Variants in MSH5 observed in about 807,000 individuals in gnomAD.
MSH5 encodes the protein mutS protein homolog 5.
In MSH5, 78 loss-of-function variants were observed where a neutral mutation model predicts 107.7. The observed-to-expected ratio is 0.72, with a 90% CI of 0.60 to 0.87. The LOEUF is 0.87. Ranked by LOEUF, MSH5 falls within the 40% of genes least tolerant of loss-of-function variation. MSH5 has a pLI of 0.00. For synonymous variants in MSH5, 326 were observed against 399.5 expected (o/e 0.82, Z 2.19); for missense variants, 889 against 1,046.6 (o/e 0.85, Z 2.08).
chr6:31,745,406 C>A, intron 9 of MSH5, 87 bp downstream of exon 9: 1 of 877,004 alleles, frequency 1.1e-6, no homozygotes, highest in Non-Finnish European at 1.9e-6. Flanking sequence ...CCTCCCTTCC[C>A]ACTTCACTCC....
At chr6:31,745,426 A>G (rs1271157880) in intron 9 of MSH5, 107 bp downstream of exon 9, 6 of 769,944 alleles carry the variant, frequency 7.8e-6, no homozygotes, top group African/African-American at 1.8e-5. Flanking sequence ...CCATTGTCAG[A>G]TATCTCTTTC....
chr6:31,754,080 T>G (rs950733960), intron 12 of MSH5: 1 of 165,436 alleles, frequency 6.0e-6, no homozygotes, highest in Non-Finnish European at 1.3e-5. Context: ...ATATTTAGAA[T>G]AATATAATTA....
intron 10 of MSH5, among the ~76,000 whole-genome samples, chr6:31,752,211 C>T (rs1243858366): frequency 1.3e-5 from 2 of 151,372 alleles, no homozygotes; most frequent in African/African-American, 4.9e-5. Context: ...GAGGCCGAGG[C>T]GGGTGGATCA....
chr6:31,749,117 T>C (rs180778345), intron 10 of MSH5, among the ~76,000 whole-genome samples: 2 of 151,984 alleles, frequency 1.3e-5, no homozygotes, highest in Non-Finnish European at 2.9e-5. Context: ...GATTTCACCA[T>C]GTTGGCCACG....
Position 31,761,918 on chromosome 6 carries a change from C to T in MSH5, c.2282C>T (p.Ala761Val). ...CATGCCTCCCACACAGCTGCCCAGG[C>T]TGGGCTTCCTGACAAGCTTGTGGCT... Reference protein sequence around the residue: ...ASHASHTAAQAGLPDKLVARG... With the variant: ...ASHASHTAAQVGLPDKLVARG... The change falls in exon 23 of 25, where the codon GCT becomes GTT. Residue 761 changes from alanine to valine, a missense_variant. Physicochemically the swap from Ala to Val is moderately conservative, Grantham distance 64 (BLOSUM62 0). This residue lies in a region of MSH5 where 362 missense variants were observed against 456.2 expected (regional missense o/e 0.79). Transcript: ENST00000375750. The surrounding 1 kb of genome is among the most constrained non-coding windows in gnomAD (Gnocchi z 5.3). 8 of 1,613,844 alleles carry T rather than the reference C, an allele frequency of 5.0e-6. No individual in the cohort carries two copies. The highest frequency in any genetic ancestry group is 6.8e-6 in the Non-Finnish European group (8 of 1,180,032).
At position 31,759,507 on chromosome 6, in the gene MSH5, T is replaced by C; in HGVS notation, c.1490T>C (p.Ile497Thr). 6.2e-7 allele frequency: 1 copy of C among 1,612,346 alleles called. No homozygotes were observed. Among genetic ancestry groups the C allele is most frequent in the Non-Finnish European group, 8.5e-7 (1 of 1,179,954 alleles). ...DALLGDLHCE[I>T]RDQETLLMYQ... Reference sequence around the variant, plus strand: ...TTGCTGGGGGACCTGCACTGCGAGATCCGGGGTGAGGAAAAGCCAGAGGTT... The same window carrying C: ...TTGCTGGGGGACCTGCACTGCGAGACCCGGGGTGAGGAAAAGCCAGAGGTT... Residue 497 changes from isoleucine to threonine, a missense_variant, in exon 17 of 25, where the codon ATC becomes ACC. Physicochemically the swap from Ile to Thr is moderately conservative, Grantham distance 89. Transcript: ENST00000375750. This position sits in a 1 kb window ranked among gnomAD's most constrained non-coding sequence, Gnocchi z 4.7.
At chr6:31,751,763 T>G (rs1809979661) in intron 10 of MSH5, 2 of 152,566 alleles carry the variant, frequency 1.3e-5, no homozygotes, top group South Asian at 4.1e-4. Flanking sequence ...GAGAACAGCC[T>G]GGGCAACATA....
At position 31,762,631 on chromosome 6, in the gene MSH5, C is replaced by G; in HGVS notation, c.*100C>G. On this transcript the variant is annotated 3_prime_UTR_variant, in exon 25 of 25. Coordinates refer to ENST00000375750, the MANE Select transcript of MSH5 (RefSeq NM_172166.4). ...CTCAGACGCAGAGTTTTTAGTTTCT[C>G]TAGAAATTTTGTTTCATATTAGGAA... 1 of 722,382 alleles carries G rather than the reference C, an allele frequency of 1.4e-6. No individual in the cohort carries two copies. The highest frequency in any genetic ancestry group is 2.4e-6 in the Non-Finnish European group (1 of 424,486). The allele number at this position is 722,382 out of a possible 1,614,324, so 44.7% of individuals were successfully genotyped here. A position where few individuals can be genotyped will look rare whatever the true frequency, so the allele number is the denominator to read the frequency against.
intron 10 of MSH5, among the ~76,000 whole-genome samples, chr6:31,752,445 G>T (rs1810045165): frequency 6.6e-6 from 1 of 151,630 alleles, no homozygotes; most frequent in Non-Finnish European, 1.5e-5. Flanking sequence ...ACTATTGGCC[G>T]GGTATGGTGA....
intron 4 of MSH5, 73 bp from the exon 5 acceptor site, chr6:31,743,035 G>A (rs181010068): frequency 3.7e-4 from 602 of 1,609,320 alleles, no homozygotes; most frequent in Non-Finnish European, 4.9e-4. Flanking sequence ...AGAATTGGGT[G>A]AGAGGGAGTG....
Position 31,758,959 on chromosome 6 carries a change from A to C in MSH5, c.1326+84A>C. On this transcript the variant is annotated intron_variant, in intron 15 of 24. Transcript: ENST00000375750. The surrounding 1 kb of genome is among the most constrained non-coding windows in gnomAD (Gnocchi z 5.1). ...ATGAAAGACATACTGGTAGATAAGA[A>C]AACTTGTGGGGCAGCCTGAAGAACA... is the stretch of plus-strand genomic sequence containing the variant. The C allele has an allele frequency of 6.9e-7, 1 of 1,446,788 alleles. No individual in the cohort carries two copies. 89.6% of individuals were successfully genotyped at this position (1,446,788 alleles called of 1,614,324 possible).
At chr6:31,750,715 C>G (rs1809875946) in intron 10 of MSH5, among the ~76,000 whole-genome samples, 1 of 152,196 alleles carries the variant, frequency 6.6e-6, no homozygotes, top group African/African-American at 2.4e-5. Flanking sequence ...ACCTGAAACC[C>G]ACCCTTGAAG....
In MSH5 at chr6:31,740,479, G is replaced by C. The variant is rs1365883110; in HGVS notation, c.13G>C (p.Gly5Arg). 9 of 1,566,918 alleles carry C rather than the reference G, an allele frequency of 5.7e-6. No homozygotes were observed. The African/African-American group carries it at 8.2e-5, about 14-fold the overall frequency. MASL[G>R]ANPRRTPQGP... ...AGCCTCCAAGCTCATGGCCTCCTTAGGAGCGAACCCAAGGAGGACACCGCA... is the reference window on the plus strand; with the variant it reads ...AGCCTCCAAGCTCATGGCCTCCTTACGAGCGAACCCAAGGAGGACACCGCA... The change falls in exon 2 of 25, where the codon GGA becomes CGA. Residue 5 changes from glycine (G) to arginine (R), a missense_variant. Coordinates refer to ENST00000375750, the MANE Select transcript of MSH5 (RefSeq NM_172166.4). This position sits in a 1 kb window ranked among gnomAD's most constrained non-coding sequence, Gnocchi z 4.4.
chr6:31,759,721 G>C lies in MSH5; in HGVS notation c.1496-65G>C, dbSNP rs1490842968. 7.0e-6 allele frequency: 11 copies of C among 1,562,388 alleles called. No homozygotes were observed. Among genetic ancestry groups the C allele is most frequent in the African/African-American group, 2.7e-5 (2 of 73,858 alleles). On this transcript the variant is annotated intron_variant, in intron 17 of 24. Transcript: ENST00000375750. This position sits in a 1 kb window ranked among gnomAD's most constrained non-coding sequence, Gnocchi z 4.7. ...AACCTGTTTCCAGATCCCCCTAGGG[G>C]CCTCTGCCTCTCCTTCACTTTCCCC...
In MSH5 at chr6:31,761,484, G is replaced by A. The variant is rs561487480; in HGVS notation, c.2050G>A (p.Ala684Thr). The A allele has an allele frequency of 2.9e-5, 46 of 1,613,146 alleles. No homozygotes were observed. The East Asian group carries it at 6.0e-4, about 21-fold the overall frequency. The change falls in exon 22 of 25, where the codon GCG becomes ACG. Residue 684 changes from alanine (A) to threonine (T), a missense_variant. Around this residue, in one of 3 missense-constraint regions of MSH5, gnomAD observed 362 missense variants for 456.2 expected, o/e 0.79. Transcript: ENST00000375750. This position sits in a 1 kb window ranked among gnomAD's most constrained non-coding sequence, Gnocchi z 5.3. Reference protein sequence around the residue: ...GKGTNTVDGLALLAAVLRHWL... With the variant: ...GKGTNTVDGLTLLAAVLRHWL... ...GCCCTCTTTGCAGGTGGATGGGCTC[G>A]CGCTTCTGGCCGCTGTGCTCCGACA...
chr6:31,744,893 C>T (rs1453433884), intron 8 of MSH5, among the ~76,000 whole-genome samples: 3 of 151,916 alleles, frequency 2.0e-5, no homozygotes, highest in African/African-American at 2.4e-5. Flanking sequence ...GCGGGTGGAT[C>T]GCCTGAGGTC....
At chr6:31,762,069 T>C in intron 23 of MSH5, 43 bp from the exon 24 acceptor site, 1 of 1,613,284 alleles carries the variant, frequency 6.2e-7, no homozygotes, top group Non-Finnish European at 8.5e-7. Flanking sequence ...CCCCTTCTCT[T>C]CCCCACTCCC....
Position 31,761,223 on chromosome 6 carries a change from G to A in MSH5, c.1998G>A (p.Ser666=), listed in dbSNP as rs374896708. Residue 666 remains serine (S), a synonymous_variant, in exon 21 of 25, where the codon TCG becomes TCA. Transcript: ENST00000375750. This position sits in a 1 kb window ranked among gnomAD's most constrained non-coding sequence, Gnocchi z 5.3. ...CAGTGAACAATGCCACTGCACAGTCGCTGGTCCTTATTGATGAATTTGGAA... is the reference window on the plus strand; with the variant it reads ...CAGTGAACAATGCCACTGCACAGTCACTGGTCCTTATTGATGAATTTGGAA... ...AKAVNNATAQ[S]LVLIDEFGKG... 2.7e-5 allele frequency: 44 copies of A among 1,613,934 alleles called. No homozygotes were observed. The highest frequency in any genetic ancestry group is 3.6e-5 in the Non-Finnish European group (42 of 1,180,004).
intron 9 of MSH5, 58 bp from the exon 10 acceptor site, chr6:31,747,329 C>T: frequency 6.3e-7 from 1 of 1,581,270 alleles, no homozygotes; most frequent in Non-Finnish European, 8.7e-7. Flanking sequence ...CACATAAACA[C>T]ATTCCATTCC....
Sources: gnomAD v4.1 joint callset for allele counts (sites outside exome capture counted in the v4.1 genomes callset) on GRCh38, gnomAD v4.1.1 for gene constraint, gnomAD v4.1.1 regional missense constraint, Gnocchi (gnomAD v3.1) non-coding constraint, MANE v1.5 for transcripts, NCBI Gene and HGNC (gene_info 2026-07-23, HGNC 2026-07-21) for gene names.